RANBP3: variants seen among roughly 807,000 people sequenced by gnomAD.
RANBP3 encodes the protein RAN binding protein 3, also known as ran-binding protein 3.
RANBP3 carries 14 observed loss-of-function variants against 77.3 expected under a neutral mutation model. That is an observed-to-expected ratio of 0.18 (90% confidence interval 0.12 to 0.28). The LOEUF (loss-of-function observed/expected upper bound fraction) is 0.28. Among genes scored for constraint, RANBP3 ranks in the 10% least tolerant of loss-of-function variants. The pLI, the probability that RANBP3 is intolerant of heterozygous loss-of-function variation, is 1.00. For missense variants in RANBP3, 586 were observed against 752.3 expected (o/e 0.78, Z 2.59); for synonymous variants, 315 against 312.4 (o/e 1.01, Z -0.09).
At chr19:5,932,629 T>G in intron 6 of RANBP3, 85 bp from the exon 7 acceptor site, 1 of 1,050,998 alleles carries the variant, frequency 9.5e-7, no homozygotes, top group Non-Finnish European at 1.4e-6. Context: ...GGCATCCCAT[T>G]TCATGCCCCT....
chr19:5,916,789 G>C lies in RANBP3; in HGVS notation c.*821C>G, dbSNP rs1426189104. On this transcript the variant is annotated 3_prime_UTR_variant, in exon 17 of 17. Coordinates refer to ENST00000340578, the MANE Select transcript of RANBP3 (RefSeq NM_007322.3). Reference sequence around the variant, plus strand: ...GACCCTGGGGACCCTTCCAGGTCCAGTGACCTTTTCCCAGACAGGCACTCT... The same window carrying C: ...GACCCTGGGGACCCTTCCAGGTCCACTGACCTTTTCCCAGACAGGCACTCT... The C allele has an allele frequency of 6.6e-6, 1 of 152,238 alleles. No individual in the cohort carries two copies. Among genetic ancestry groups the C allele is most frequent in the Non-Finnish European group, 1.5e-5 (1 of 68,090 alleles). 9.4% of individuals were successfully genotyped at this position (152,238 alleles called of 1,614,324 possible). A position where few individuals can be genotyped will look rare whatever the true frequency, so the allele number is the denominator to read the frequency against.
intron 8 of RANBP3, among the ~76,000 whole-genome samples, chr19:5,930,486 T>C (rs921574961): frequency 4.6e-5 from 7 of 152,264 alleles, no homozygotes; most frequent in African/African-American, 1.7e-4. Flanking sequence ...AAGGAGGCTC[T>C]TCATCAAAGG....
At chr19:5,951,059 G>C (rs2058268026) in intron 3 of RANBP3, among the ~76,000 whole-genome samples, 1 of 152,164 alleles carries the variant, frequency 6.6e-6, no homozygotes, top group Non-Finnish European at 1.5e-5. Flanking sequence ...AATGGAAGGA[G>C]GGTGAAGGGG....
rs2058273280 is a variant in RANBP3 at position 5,951,416 on chromosome 19, G to C, written c.259C>G (p.Pro87Ala). ...ACCCCTGCCAGTTCTCGCGGAAAAG[G>C]AGGAAGCTGGGCTTCAGGAGCGGGA... is the stretch of plus-strand genomic sequence containing the variant. Reference protein sequence around the residue: ...PPPAPEAQLPPFPRELAGRSA... With the variant: ...PPPAPEAQLPAFPRELAGRSA... The change falls in exon 3 of 17, where the codon CCT (proline) becomes GCT (alanine). Residue 87 changes from proline (P) to alanine (A), a missense_variant. Physicochemically the swap from Pro to Ala is conservative, Grantham distance 27. Transcript: ENST00000340578. 1 of 1,569,878 alleles carries C rather than the reference G, an allele frequency of 6.4e-7. No homozygotes were observed. The highest frequency in any genetic ancestry group is 1.9e-5 in the Admixed American group (1 of 53,594).
At chr19:5,977,883 C>T (rs1031516389) in intron 1 of RANBP3, among the ~76,000 whole-genome samples, 178 bp downstream of exon 1, 1 of 152,144 alleles carries the variant, frequency 6.6e-6, no homozygotes, top group South Asian at 2.1e-4. Context: ...TGGGCCGGGC[C>T]GGTGAGCCCG....
In RANBP3 at chr19:5,923,409, C is replaced by A. The variant is rs1392974928; in HGVS notation, c.1100-106G>T. 4 of 1,125,884 alleles carry A rather than the reference C, an allele frequency of 3.6e-6. No individual in the cohort carries two copies. The Admixed American group carries it at 8.2e-5, about 23-fold the overall frequency. The allele number at this position is 1,125,884 out of a possible 1,614,324, so 69.7% of individuals were successfully genotyped here. ...AGGGTTGGTTCTGGTCTCAAGGACGCCTGCTGCCCCTGGCAGGCCTGCCCC... is the reference window on the plus strand; with the variant it reads ...AGGGTTGGTTCTGGTCTCAAGGACGACTGCTGCCCCTGGCAGGCCTGCCCC... On this transcript the variant is annotated intron_variant, in intron 12 of 16. Coordinates refer to ENST00000340578, the MANE Select transcript of RANBP3 (RefSeq NM_007322.3).
intron 1 of RANBP3, among the ~76,000 whole-genome samples, chr19:5,970,119 G>C (rs1412176582): frequency 1.3e-5 from 2 of 152,094 alleles, no homozygotes; most frequent in African/African-American, 4.8e-5. Flanking sequence ...TGGAGACCAG[G>C]GATGCTGACC....
intron 1 of RANBP3, among the ~76,000 whole-genome samples, chr19:5,971,108 A>G (rs376208179): frequency 6.6e-6 from 1 of 152,208 alleles, no homozygotes; most frequent in African/African-American, 2.4e-5. Flanking sequence ...AACATCCCCA[A>G]GAGCTTTTGG....
Position 5,918,781 on chromosome 19 carries a change from A to G in RANBP3, c.1331-143T>C, listed in dbSNP as rs1407095618. 7.5e-5 allele frequency: 80 copies of G among 1,067,900 alleles called. No homozygotes were observed. The East Asian group carries it at 1.9e-3, about 26-fold the overall frequency. 66.2% of individuals were successfully genotyped at this position (1,067,900 alleles called of 1,614,324 possible). On this transcript the variant is annotated intron_variant, in intron 14 of 16. Transcript: ENST00000340578. ...TCCTCCCAGGACCCACCCACAGAGC[A>G]AGACTTCTCCCTGAGGCCAGCCCTG...
chr19:5,960,993 G>A (rs2058393010), intron 1 of RANBP3, among the ~76,000 whole-genome samples: 1 of 152,182 alleles, frequency 6.6e-6, no homozygotes, highest in African/African-American at 2.4e-5. Flanking sequence ...CCAGGGTGGA[G>A]TCCAATCAGA....
intron 8 of RANBP3, among the ~76,000 whole-genome samples, chr19:5,929,154 G>A (rs972323291): frequency 3.9e-5 from 6 of 152,238 alleles, no homozygotes; most frequent in Non-Finnish European, 2.9e-5. Flanking sequence ...CAACTGTGAA[G>A]GAAGTGAAAA....
chr19:5,941,461 G>A (rs1333578423), intron 5 of RANBP3, among the ~76,000 whole-genome samples, 160 bp downstream of exon 5: 1 of 152,160 alleles, frequency 6.6e-6, no homozygotes, highest in Non-Finnish European at 1.5e-5. Context: ...GCTGCACTCT[G>A]GACAAGCTCT....
intron 3 of RANBP3, among the ~76,000 whole-genome samples, chr19:5,947,488 G>A (rs888428832): frequency 1.3e-5 from 2 of 152,144 alleles, no homozygotes; most frequent in Non-Finnish European, 2.9e-5. Flanking sequence ...GCTGCGAGGC[G>A]CAGGGCTTCA....
chr19:5,918,977 T>C (rs1568443436), intron 14 of RANBP3, among the ~76,000 whole-genome samples: 1 of 152,270 alleles, frequency 6.6e-6, no homozygotes, highest in South Asian at 2.1e-4. Flanking sequence ...GGCAGTTCCC[T>C]TGGAGAAGGG....
chr19:5,932,594 C>G, intron 6 of RANBP3, 50 bp from the exon 7 acceptor site: 5 of 1,485,760 alleles, frequency 3.4e-6, no homozygotes, highest in Non-Finnish European at 4.7e-6. Context: ...CTGCCTGCCC[C>G]CAGGCGCTTC....
intron 1 of RANBP3, chr19:5,974,216 C>T (rs2058562356): frequency 6.6e-6 from 1 of 152,380 alleles, no homozygotes; most frequent in South Asian, 2.1e-4. Flanking sequence ...ACGTCAACTG[C>T]ACCACACAAA....
At position 5,924,109 on chromosome 19, in the gene RANBP3, C is replaced by T. The variant is rs1010793390; in HGVS notation, c.997-195G>A. Among the ~76,000 whole-genome samples, 3 of 152,164 alleles carry T rather than the reference C, an allele frequency of 2.0e-5. No individual in the cohort carries two copies. The highest frequency in any genetic ancestry group is 4.4e-5 in the Non-Finnish European group (3 of 68,038). ...TCACTACGGGGTGAGTGCCACCAGC[C>T]GACAGTCCCCTCGAGCCACACTGGT... On this transcript the variant is annotated intron_variant, in intron 11 of 16. Transcript: ENST00000340578. This position sits in a 1 kb window ranked among gnomAD's most constrained non-coding sequence, Gnocchi z 4.7.
intron 9 of RANBP3, among the ~76,000 whole-genome samples, chr19:5,926,366 T>C (rs900004058): frequency 1.3e-5 from 2 of 151,870 alleles, no homozygotes; most frequent in Admixed American, 6.6e-5. Flanking sequence ...CTGGCCAACA[T>C]GGAGAAATCC....
At chr19:5,965,439 T>C (rs955686188) in intron 1 of RANBP3, among the ~76,000 whole-genome samples, 1 of 152,158 alleles carries the variant, frequency 6.6e-6, no homozygotes, top group Non-Finnish European at 1.5e-5. Flanking sequence ...AAAAAGGTTT[T>C]ATCTGTATTT....
Sources: allele counts gnomAD v4.1 joint callset (sites outside exome capture counted in the v4.1 genomes callset), GRCh38; gene constraint gnomAD v4.1.1; non-coding constraint Gnocchi (gnomAD v3.1); transcripts MANE v1.5; gene names NCBI Gene and HGNC (gene_info 2026-07-23, HGNC 2026-07-21).